Variants in CDH12 observed in about 807,000 individuals in gnomAD.
The protein encoded by CDH12 is cadherin-12.
In CDH12, 41 loss-of-function variants were observed where a neutral mutation model predicts 74.1. The ratio of observed to expected loss-of-function variants is 0.55; its 90% CI spans 0.43 to 0.72. The LOEUF (loss-of-function observed/expected upper bound fraction) is 0.72, where lower values mean the gene tolerates loss of function less well. Ranked by LOEUF, CDH12 falls within the 30% of genes least tolerant of loss-of-function variation. CDH12 has a pLI of 0.00. For missense variants in CDH12, 945 were observed against 977.2 expected, an observed-to-expected ratio of 0.97 and a Z score of 0.44; for synonymous variants, 399 against 355.0, an observed-to-expected ratio of 1.12 and a Z score of -1.39.
intron 6 of CDH12, among the ~76,000 whole-genome samples, chr5:21,900,780 T>C (rs541336613): frequency 6.6e-6 from 1 of 152,310 alleles, no homozygotes; most frequent in East Asian, 1.9e-4. Context: ...GCAGAATTAA[T>C]GCAATGAGAA....
intron 5 of CDH12, among the ~76,000 whole-genome samples, chr5:22,077,691 A>C (rs1206462049): frequency 1.3e-5 from 2 of 152,102 alleles, no homozygotes; most frequent in Admixed American, 6.6e-5. Flanking sequence ...CATGGGTGAA[A>C]ACAATTTAAT....
intron 2 of CDH12, among the ~76,000 whole-genome samples, chr5:22,503,089 A>G (rs894528488): frequency 1.9e-4 from 29 of 152,168 alleles, no homozygotes; most frequent in Admixed American, 3.3e-4. Flanking sequence ...CTGGAACAAG[A>G]AGGTATTCTA....
At chr5:22,085,789 T>G (rs1056612927) in intron 4 of CDH12, among the ~76,000 whole-genome samples, 3 of 152,238 alleles carry the variant, frequency 2.0e-5, no homozygotes, top group Admixed American at 2.0e-4. Context: ...ATTCTTCACC[T>G]TGAAAACATT....
chr5:22,111,569 C>T (rs1162765651), intron 4 of CDH12, among the ~76,000 whole-genome samples: 2 of 152,156 alleles, frequency 1.3e-5, no homozygotes, highest in Non-Finnish European at 2.9e-5. Context: ...ATTCCCTGCA[C>T]AGTTGCACTT....
chr5:22,832,432 C>A lies in CDH12; in HGVS notation c.-523+20626G>T, dbSNP rs763954847. Reference sequence around the variant, plus strand: ...AAGAAATTGGCCACGGCTTTAGGTGCCCATTCAGGAATACTTTGAATATAA... The same window carrying A: ...AAGAAATTGGCCACGGCTTTAGGTGACCATTCAGGAATACTTTGAATATAA... On this transcript the variant is annotated intron_variant, in intron 1 of 14. Transcript: ENST00000382254. 3.7e-4 allele frequency among the ~76,000 whole-genome samples: 57 copies of A among 152,040 alleles called. 1 individual carries two copies. Among genetic ancestry groups the A allele is most frequent in the Non-Finnish European group, 7.4e-5 (5 of 68,020 alleles).
At chr5:22,238,273 T>C (rs973524124) in intron 3 of CDH12, among the ~76,000 whole-genome samples, 3 of 152,226 alleles carry the variant, frequency 2.0e-5, no homozygotes, top group Admixed American at 1.3e-4. Flanking sequence ...CTCTATGGCA[T>C]TTCCTGGTGG....
chr5:22,402,828 AT>A, intron 3 of CDH12, among the ~76,000 whole-genome samples: 1 of 152,164 alleles, frequency 6.6e-6, no homozygotes, highest in Non-Finnish European at 1.5e-5. Context: ...AAATGGAGTT[AT>A]TTCAGAAATG....
At chr5:22,220,142 G>A (rs1192886779) in intron 3 of CDH12, among the ~76,000 whole-genome samples, 1 of 151,722 alleles carries the variant, frequency 6.6e-6, no homozygotes, top group Non-Finnish European at 1.5e-5. Flanking sequence ...ACAAAGTGCT[G>A]ATGGACATAT....
At chr5:22,589,709 C>T (rs149190024) in intron 1 of CDH12, among the ~76,000 whole-genome samples, 397 of 152,228 alleles carry the variant, frequency 2.6e-3, no homozygotes, top group African/African-American at 7.7e-3. Flanking sequence ...TTTAGTTTTC[C>T]TCTTTCTCTT....
At chr5:21,847,569 T>A (rs1167116444) in intron 7 of CDH12, among the ~76,000 whole-genome samples, 1 of 152,052 alleles carries the variant, frequency 6.6e-6, no homozygotes, top group African/African-American at 2.4e-5. Flanking sequence ...CGTTTTCATA[T>A]CTTTTTCTGA....
intron 1 of CDH12, among the ~76,000 whole-genome samples, chr5:22,626,440 C>G (rs1049360952): frequency 2.0e-5 from 3 of 152,108 alleles, no homozygotes; most frequent in African/African-American, 4.8e-5. Context: ...GGGCCTGGTA[C>G]CAGATCCCAG....
chr5:22,225,811 G>A (rs530183877), intron 3 of CDH12, among the ~76,000 whole-genome samples: 1 of 152,120 alleles, frequency 6.6e-6, no homozygotes, highest in South Asian at 2.1e-4. Flanking sequence ...ACACTCACTT[G>A]ATTAAAGATT....
At chr5:22,745,716 G>A (rs1023853203) in intron 1 of CDH12, among the ~76,000 whole-genome samples, 4 of 152,072 alleles carry the variant, frequency 2.6e-5, no homozygotes, top group African/African-American at 9.7e-5. Context: ...TAAATGATGA[G>A]AACACATGGA....
intron 3 of CDH12, among the ~76,000 whole-genome samples, chr5:22,218,693 T>C (rs575257342): frequency 9.5e-4 from 144 of 151,722 alleles, no homozygotes; most frequent in Non-Finnish European, 1.8e-3. Flanking sequence ...CCCATCTAAT[T>C]TGCAAGTTAA....
intron 1 of CDH12, chr5:22,580,406 A>C (rs1740023822): frequency 2.0e-6 from 1 of 498,034 alleles, no homozygotes; most frequent in African/African-American, 2.0e-5. Context: ...GTGGGTAGGG[A>C]GCATCCTCAG....
rs190814827 is a variant in CDH12 at position 22,416,486 on chromosome 5, T to C, written c.-427-11135A>G. 2.9e-3 allele frequency among the ~76,000 whole-genome samples: 443 copies of C among 152,234 alleles called. 3 individuals carry two copies. The highest frequency in any genetic ancestry group is 2.9e-3 in the Non-Finnish European group (196 of 68,000). ...GAGAAGGATGAGTTATTGGCGTGCA[T>C]TGGAAATTTAAACTCATTCTCAATC... On this transcript the variant is annotated intron_variant, in intron 2 of 14. Transcript: ENST00000382254.
intron 5 of CDH12, among the ~76,000 whole-genome samples, chr5:22,056,957 A>G (rs1740785425): frequency 1.3e-5 from 2 of 152,152 alleles, no homozygotes; most frequent in South Asian, 4.1e-4. Flanking sequence ...TCCCCTAAGA[A>G]CTTTGAATCT....
intron 5 of CDH12, among the ~76,000 whole-genome samples, chr5:22,025,186 G>A (rs943814210): frequency 6.6e-6 from 1 of 152,018 alleles, no homozygotes; most frequent in Non-Finnish European, 1.5e-5. Flanking sequence ...TAATGATATA[G>A]GTCTAGCCAT....
intron 3 of CDH12, among the ~76,000 whole-genome samples, chr5:22,333,775 T>C (rs1273051494): frequency 6.6e-6 from 1 of 152,308 alleles, no homozygotes; most frequent in Non-Finnish European, 1.5e-5. Context: ...ATTAAAAAGA[T>C]TATGCATCAT....
Sources: allele counts gnomAD v4.1 joint callset (sites outside exome capture counted in the v4.1 genomes callset), GRCh38; gene constraint gnomAD v4.1.1; transcripts MANE v1.5; gene names NCBI Gene and HGNC (gene_info 2026-07-23, HGNC 2026-07-21).